The following DCUN1D1 variants were observed in gnomAD, a reference collection of about 807,000 sequenced individuals.
The protein encoded by DCUN1D1 is defective in cullin neddylation 1 domain containing 1, also known as DCN1-like protein 1.
A neutral mutation model predicts 39.0 loss-of-function variants in DCUN1D1; 3 were observed. The ratio of observed to expected loss-of-function variants is 0.08; its 90% CI spans 0.04 to 0.20. The LOEUF (loss-of-function observed/expected upper bound fraction) is 0.20, where lower values mean the gene tolerates loss of function less well. Among genes scored for constraint, DCUN1D1 ranks in the 10% least tolerant of loss-of-function variants. The pLI is 1.00. For missense variants in DCUN1D1, 158 were observed against 302.4 expected (o/e 0.52, Z 3.54); for synonymous variants, 82 against 96.3 (o/e 0.85, Z 0.87).
intron 1 of DCUN1D1, among the ~76,000 whole-genome samples, chr3:182,973,158 T>G (rs1483912465): frequency 6.6e-6 from 1 of 152,136 alleles, no homozygotes; most frequent in Non-Finnish European, 1.5e-5. Context: ...TAGAACCCTA[T>G]ATATACACAT....
chr3:182,962,671 G>A (rs988303188), intron 3 of DCUN1D1, among the ~76,000 whole-genome samples: 2 of 152,180 alleles, frequency 1.3e-5, no homozygotes, highest in African/African-American at 4.8e-5. Flanking sequence ...GGTGGTAGCA[G>A]CTTACTGCAA....
chr3:182,971,088 G>T (rs1395075051), intron 1 of DCUN1D1, among the ~76,000 whole-genome samples: 1 of 146,984 alleles, frequency 6.8e-6, no homozygotes, highest in African/African-American at 2.7e-5. Context: ...TTTCAAACCA[G>T]ACTGTCAAGA....
chr3:182,954,380 C>T (rs1428668997), intron 4 of DCUN1D1, among the ~76,000 whole-genome samples: 1 of 152,046 alleles, frequency 6.6e-6, no homozygotes, highest in East Asian at 1.9e-4. Flanking sequence ...TAATTTATAT[C>T]GTTTAGGAAC....
At chr3:182,952,054 A>C (rs914415306) in intron 4 of DCUN1D1, among the ~76,000 whole-genome samples, 1 of 152,106 alleles carries the variant, frequency 6.6e-6, no homozygotes, top group African/African-American at 2.4e-5. Flanking sequence ...TTTCCCACAC[A>C]TTCTAATCCT....
At chr3:182,972,436 C>A (rs773376126) in intron 1 of DCUN1D1, among the ~76,000 whole-genome samples, 1 of 152,158 alleles carries the variant, frequency 6.6e-6, no homozygotes, top group Admixed American at 6.5e-5. Flanking sequence ...TTCATTCATT[C>A]TTAAATTTCC....
chr3:182,954,612 G>A (rs901764485), intron 4 of DCUN1D1, among the ~76,000 whole-genome samples: 4 of 149,982 alleles, frequency 2.7e-5, no homozygotes, highest in Non-Finnish European at 4.5e-5. Context: ...CACATTTCAC[G>A]AGAAAAAAGG....
chr3:182,942,768 A>T lies in DCUN1D1; in HGVS notation c.*2326T>A, dbSNP rs1442109212. The T allele has an allele frequency of 6.6e-6, 1 of 151,822 alleles. No individual in the cohort carries two copies. Among genetic ancestry groups the T allele is most frequent in the Non-Finnish European group, 1.5e-5 (1 of 67,870 alleles). 9.4% of individuals were successfully genotyped at this position (151,822 alleles called of 1,614,324 possible). A position where few individuals can be genotyped will look rare whatever the true frequency, so the allele number is the denominator to read the frequency against. On this transcript the variant is annotated 3_prime_UTR_variant, in exon 7 of 7. Coordinates refer to ENST00000292782, the MANE Select transcript of DCUN1D1 (RefSeq NM_020640.4). ...GACACAGACTCAAACACACACAGCC[A>T]TATGTGTAATCATTTTTTAGTACAA...
chr3:182,979,190 A>G (rs1233171418), intron 1 of DCUN1D1, among the ~76,000 whole-genome samples: 1 of 152,202 alleles, frequency 6.6e-6, no homozygotes, highest in Admixed American at 6.5e-5. Flanking sequence ...TTACCAATTC[A>G]AACTGTAAAT....
chr3:182,967,336 A>G (rs1285279136), intron 1 of DCUN1D1, among the ~76,000 whole-genome samples: 1 of 152,008 alleles, frequency 6.6e-6, no homozygotes, highest in Non-Finnish European at 1.5e-5. Flanking sequence ...GACAAGAACA[A>G]AGAGGTCTCA....
intron 1 of DCUN1D1, among the ~76,000 whole-genome samples, chr3:182,968,226 T>C (rs1727767690): frequency 6.6e-6 from 1 of 152,148 alleles, no homozygotes; most frequent in Non-Finnish European, 1.5e-5. Flanking sequence ...TACTTTTTAA[T>C]TAAACCTGAT....
At chr3:182,949,048 CA>C (rs779071128) in intron 4 of DCUN1D1, among the ~76,000 whole-genome samples, 16,248 of 117,338 alleles carry the variant, frequency 0.14, 968 homozygotes, top group Middle Eastern at 0.21. Flanking sequence ...AACTCCGTCT[CA>C]AAAAAAAAAA....
intron 1 of DCUN1D1, among the ~76,000 whole-genome samples, chr3:182,978,419 A>C (rs1728354207): frequency 6.6e-6 from 1 of 152,160 alleles, no homozygotes; most frequent in African/African-American, 2.4e-5. Flanking sequence ...AAGGTCTGTT[A>C]GCCAGGCTGG....
rs888313275 is a variant in DCUN1D1, at chr3:182,938,601, T to C, written c.*6493A>G. Reference sequence around the variant, plus strand: ...CAAGATTGGCCATGGATTGATCATGTTAACATGAGTTCATTATGCAATTGT... The same window carrying C: ...CAAGATTGGCCATGGATTGATCATGCTAACATGAGTTCATTATGCAATTGT... On this transcript the variant is annotated 3_prime_UTR_variant, in exon 7 of 7. Coordinates refer to ENST00000292782, the MANE Select transcript of DCUN1D1 (RefSeq NM_020640.4). The C allele has an allele frequency of 3.9e-5, 6 of 152,206 alleles. No homozygotes were observed. The highest frequency in any genetic ancestry group is 3.9e-4 in the Admixed American group (6 of 15,272). 9.4% of individuals were successfully genotyped at this position (152,206 alleles called of 1,614,324 possible).
Position 182,944,846 on chromosome 3 carries a change from A to G in DCUN1D1, c.*248T>C, listed in dbSNP as rs1245087825. Reference sequence around the variant, plus strand: ...ATAAACTAGGATGGTCCACAGATATAAGATGAAATCCACAATGTTGGAATT... The same window carrying G: ...ATAAACTAGGATGGTCCACAGATATGAGATGAAATCCACAATGTTGGAATT... On this transcript the variant is annotated 3_prime_UTR_variant, in exon 7 of 7. Transcript: ENST00000292782. 6 of 405,270 alleles carry G rather than the reference A, an allele frequency of 1.5e-5. No homozygotes were observed. The highest frequency in any genetic ancestry group is 2.2e-5 in the Non-Finnish European group (5 of 224,756). The allele number at this position is 405,270 out of a possible 1,614,324, so 25.1% of individuals were successfully genotyped here.
chr3:182,972,168 A>T (rs2108391138), intron 1 of DCUN1D1, among the ~76,000 whole-genome samples: 1 of 150,396 alleles, frequency 6.6e-6, no homozygotes, highest in Non-Finnish European at 1.5e-5. Flanking sequence ...CTGTCAGTCT[A>T]TTTTAAAAAC....
At chr3:182,964,468 A>G (rs1441026215) in intron 2 of DCUN1D1, among the ~76,000 whole-genome samples, 2 of 152,084 alleles carry the variant, frequency 1.3e-5, no homozygotes, top group Non-Finnish European at 2.9e-5. Flanking sequence ...GTATCAGAAA[A>G]ACTGTGACCT....
chr3:182,945,297 A>G lies in DCUN1D1; in HGVS notation c.701-124T>C, dbSNP rs967318450. On this transcript the variant is annotated intron_variant, in intron 6 of 6. Transcript: ENST00000292782. ...GCGTTAAAGTATATCATTCTTATCT[A>G]TTCCCACTGATTAAGTCTTTCAAAA... 18 of 682,868 alleles carry G rather than the reference A, an allele frequency of 2.6e-5. No homozygotes were observed. In the Admixed American group the frequency reaches 6.0e-4, roughly 23 times the overall value. The allele number at this position is 682,868 out of a possible 1,614,324, so 42.3% of individuals were successfully genotyped here.
At chr3:182,963,794 A>C in intron 3 of DCUN1D1, 87 bp downstream of exon 3, 1 of 1,176,412 alleles carries the variant, frequency 8.5e-7, no homozygotes, top group Non-Finnish European at 1.2e-6. Context: ...GTGGGCCAGC[A>C]AATCTTTAAA....
At chr3:182,962,986 GT>G (rs1387833907) in intron 3 of DCUN1D1, among the ~76,000 whole-genome samples, 1 of 152,078 alleles carries the variant, frequency 6.6e-6, no homozygotes, top group Non-Finnish European at 1.5e-5. Flanking sequence ...CTCCATGTTG[GT>G]CAAGCTGGTC....
Sources: allele counts gnomAD v4.1 joint callset (sites outside exome capture counted in the v4.1 genomes callset), GRCh38; gene constraint gnomAD v4.1.1; transcripts MANE v1.5; gene names NCBI Gene and HGNC (gene_info 2026-07-23, HGNC 2026-07-21).